The following TEAD3 variants were observed in gnomAD, a reference collection of about 807,000 sequenced individuals.
TEAD3 encodes the protein TEA domain transcription factor 3.
Under a neutral mutation model 55.6 loss-of-function variants are expected in TEAD3, and 15 were observed. The ratio of observed to expected loss-of-function variants is 0.27; its 90% CI spans 0.18 to 0.42. TEAD3 has a LOEUF of 0.42. Among genes scored for constraint, TEAD3 ranks in the 10% least tolerant of loss-of-function variants. The pLI, the probability that TEAD3 is intolerant of heterozygous loss-of-function variation, is 1.00. For synonymous variants in TEAD3, 210 were observed against 232.2 expected, an observed-to-expected ratio of 0.90 and a Z score of 0.87; for missense variants, 407 against 576.8, an observed-to-expected ratio of 0.71 and a Z score of 3.01.
At chr6:35,492,479 C>T (rs531166110) in intron 1 of TEAD3, among the ~76,000 whole-genome samples, 39 of 152,218 alleles carry the variant, frequency 2.6e-4, no homozygotes, top group Non-Finnish European at 3.2e-4. Context: ...GGGACCCTGC[C>T]AAGCAGCCAC....
chr6:35,478,285 G>C, exon 7 of TEAD3: 4 of 1,613,662 alleles, frequency 2.5e-6, no homozygotes, highest in Non-Finnish European at 3.4e-6. Context: ...TCCTGAGAGG[G>C]TCCAGGCTGC....
chr6:35,487,050 AGGTAATC>A (rs1231057284), intron 1 of TEAD3, among the ~76,000 whole-genome samples: 1 of 152,236 alleles, frequency 6.6e-6, no homozygotes, highest in African/African-American at 2.4e-5. Context: ...CTCAAGAAAT[AGGTAATC>A]GGTAACAACA....
rs1483229853 is a variant in TEAD3, at chr6:35,485,743, C to A, written c.202+718G>T. Among the ~76,000 whole-genome samples the A allele has an allele frequency of 2.6e-5, 4 of 152,288 alleles. No homozygotes were observed. Among genetic ancestry groups the A allele is most frequent in the South Asian group, 2.1e-4 (1 of 4,828 alleles). ...GCTGGGTGGGCGTGGCCAAGGGACA[C>A]GGAGCGGACCTGATCCCTTCCCACA... On this transcript the variant is annotated intron_variant, in intron 2 of 12. Coordinates refer to ENST00000639578, the Ensembl canonical transcript of TEAD3. The surrounding 1 kb of genome is among the most constrained non-coding windows in gnomAD (Gnocchi z 4.3).
chr6:35,477,462 C>T lies in TEAD3; in HGVS notation c.531-90G>A, dbSNP rs1768174648. ...CCTCTTCCAAGACCCCAGGAGCAAG[C>T]CACCCAGCCTTTCTGCTGAGGCCCA... On this transcript the variant is annotated intron_variant, in intron 7 of 12. Transcript: ENST00000639578. The T allele has an allele frequency of 3.1e-6, 4 of 1,279,324 alleles. No homozygotes were observed. In the East Asian group the frequency reaches 7.5e-5, roughly 24 times the overall value. The allele number at this position is 1,279,324 out of a possible 1,614,324, so 79.2% of individuals were successfully genotyped here. A position where few individuals can be genotyped will look rare whatever the true frequency, so the allele number is the denominator to read the frequency against.
exon 9 of TEAD3, chr6:35,476,403 C>A (rs1768149161): frequency 6.2e-7 from 1 of 1,612,990 alleles, no homozygotes; most frequent in Admixed American, 1.7e-5. Context: ...ACAGAGGCAG[C>A]AGCTGAGGGG....
intron 3 of TEAD3, 35 bp downstream of exon 4, chr6:35,480,277 G>C (rs777310824): frequency 1.2e-6 from 2 of 1,609,600 alleles, no homozygotes; most frequent in Non-Finnish European, 1.7e-6. Flanking sequence ...AGGGGCCCAG[G>C]AGGGCTGAAG....
Position 35,486,753 on chromosome 6 carries a change from C to G in TEAD3, c.-49-42G>C. 7.1e-7 allele frequency: 1 copy of G among 1,400,500 alleles called. No individual in the cohort carries two copies. 86.8% of individuals were successfully genotyped at this position (1,400,500 alleles called of 1,614,324 possible). A position where few individuals can be genotyped will look rare whatever the true frequency, so the allele number is the denominator to read the frequency against. ...CAGGAACTGGGACCAGGGTCCTCCT[C>G]GACCACAGCAATCTCCTATCCCACA... On this transcript the variant is annotated intron_variant, in intron 1 of 12. Transcript: ENST00000639578. This position sits in a 1 kb window ranked among gnomAD's most constrained non-coding sequence, Gnocchi z 7.3.
chr6:35,479,177 C>T, intron 5 of TEAD3, 128 bp downstream of exon 5: 1 of 1,231,580 alleles, frequency 8.1e-7, no homozygotes, highest in Non-Finnish European at 1.2e-6. Context: ...CACGCCCAGC[C>T]ATTTCGTTTT....
In TEAD3 at chr6:35,488,333, G is replaced by T. The variant is rs770026563; in HGVS notation, c.-49-1622C>A. On this transcript the variant is annotated intron_variant, in intron 1 of 12. Coordinates refer to ENST00000639578, the Ensembl canonical transcript of TEAD3. The surrounding 1 kb of genome is among the most constrained non-coding windows in gnomAD (Gnocchi z 4.2). ...TGTAAACTGTGAGTGCCCTGAACCT[G>T]CCAGGCTATTAATTTGGACCACACC... Among the ~76,000 whole-genome samples the T allele has an allele frequency of 2.0e-5, 3 of 152,008 alleles. No individual in the cohort carries two copies. Among genetic ancestry groups the T allele is most frequent in the Non-Finnish European group, 2.9e-5 (2 of 68,030 alleles).
chr6:35,475,327 C>T lies in TEAD3; in HGVS notation c.1194+9G>A, dbSNP rs1768120418. The T allele has an allele frequency of 1.2e-6, 2 of 1,612,022 alleles. No individual in the cohort carries two copies. Among genetic ancestry groups the T allele is most frequent in the African/African-American group, 2.7e-5 (2 of 74,898 alleles). On this transcript the variant is annotated intron_variant, in intron 12 of 12. Transcript: ENST00000639578. This position sits in a 1 kb window ranked among gnomAD's most constrained non-coding sequence, Gnocchi z 5.4. The stretch of plus-strand genomic sequence containing the variant: ...GTGGGACTCCCCACGACCCCTGCTG[C>T]CCCCATACCTGCAGGATGGTGAAGT...
At chr6:35,479,693 C>G (rs1768228445) in intron 4 of TEAD3, among the ~76,000 whole-genome samples, 1 of 152,226 alleles carries the variant, frequency 6.6e-6, no homozygotes, top group Non-Finnish European at 1.5e-5. Flanking sequence ...ACTCTGAGAT[C>G]CGCAGCTGCA....
intron 1 of TEAD3, among the ~76,000 whole-genome samples, chr6:35,493,992 T>C (rs374016327): frequency 6.6e-6 from 1 of 152,122 alleles, no homozygotes; most frequent in Non-Finnish European, 1.5e-5. Flanking sequence ...CCTGGACACA[T>C]GAAGAGTCAC....
rs760681150 is a variant in TEAD3 at position 35,488,715 on chromosome 6, T to A, written c.-49-2004A>T. On this transcript the variant is annotated intron_variant, in intron 1 of 12. Transcript: ENST00000639578. The surrounding 1 kb of genome is among the most constrained non-coding windows in gnomAD (Gnocchi z 4.2). ...TTATTCGGTTATTTTTTTTCTTTTT[T>A]AAATTTTTTATTTGTTTTTTATTTT... Among the ~76,000 whole-genome samples the A allele has an allele frequency of 6.6e-6, 1 of 152,162 alleles. No homozygotes were observed. The highest frequency in any genetic ancestry group is 2.4e-5 in the African/African-American group (1 of 41,442).
Position 35,486,902 on chromosome 6 carries a change from C to A in TEAD3, c.-49-191G>T, listed in dbSNP as rs1024527170. The stretch of plus-strand genomic sequence containing the variant: ...TCAGAGCTGTGTGACCTGGGATGCA[C>A]GCGCTACTTCACCTCTCTAGGCCTC... On this transcript the variant is annotated intron_variant, in intron 1 of 12. Coordinates refer to ENST00000639578, the Ensembl canonical transcript of TEAD3. This position sits in a 1 kb window ranked among gnomAD's most constrained non-coding sequence, Gnocchi z 7.3. Among the ~76,000 whole-genome samples, 26 of 152,192 alleles carry A rather than the reference C, an allele frequency of 1.7e-4. No individual in the cohort carries two copies. The highest frequency in any genetic ancestry group is 6.0e-4 in the African/African-American group (25 of 41,448).
rs1336046374 is a variant in TEAD3, at chr6:35,483,308, A to G, written c.267+1252T>C. The stretch of plus-strand genomic sequence containing the variant: ...ACAGGCCAGACTTGACATATGCACC[A>G]TGGGGATCTGTGGGTCCAAATCCCA... On this transcript the variant is annotated intron_variant, in intron 3 of 12. Transcript: ENST00000639578. The surrounding 1 kb of genome is among the most constrained non-coding windows in gnomAD (Gnocchi z 4.5). 6.6e-6 allele frequency among the ~76,000 whole-genome samples: 1 copy of G among 152,104 alleles called. No homozygotes were observed. Among genetic ancestry groups the G allele is most frequent in the Non-Finnish European group, 1.5e-5 (1 of 68,006 alleles).
At position 35,475,511 on chromosome 6, in the gene TEAD3, G is replaced by A. The variant is rs1014334163; in HGVS notation, c.1042-23C>T. On this transcript the variant is annotated intron_variant, in intron 11 of 12. Coordinates refer to ENST00000639578, the Ensembl canonical transcript of TEAD3. The surrounding 1 kb of genome is among the most constrained non-coding windows in gnomAD (Gnocchi z 5.4). ...AGTCTGCAGAGAATATGGAGAAGGC[G>A]TCACTCGGCCTGCCTGCTCCCAGCC... 3.7e-6 allele frequency: 6 copies of A among 1,605,938 alleles called. No homozygotes were observed. The highest frequency in any genetic ancestry group is 1.3e-5 in the African/African-American group (1 of 74,908).
intron 1 of TEAD3, among the ~76,000 whole-genome samples, chr6:35,493,151 G>A (rs1036885830): frequency 3.9e-5 from 6 of 152,134 alleles, no homozygotes; most frequent in Non-Finnish European, 8.8e-5. Context: ...CTCATTCACT[G>A]TTACCCGCAT....
intron 4 of TEAD3, among the ~76,000 whole-genome samples, chr6:35,479,754 G>A (rs896820821): frequency 2.6e-5 from 4 of 152,226 alleles, no homozygotes; most frequent in African/African-American, 7.2e-5. Flanking sequence ...TAGCCCTGCC[G>A]GCCAGTAGCC....
chr6:35,477,913 T>A (rs1768185349), intron 7 of TEAD3, among the ~76,000 whole-genome samples: 1 of 151,582 alleles, frequency 6.6e-6, no homozygotes, highest in South Asian at 2.1e-4. Context: ...CAATCAAGTC[T>A]CACTACAGCC....
Sources: allele counts gnomAD v4.1 joint callset (sites outside exome capture counted in the v4.1 genomes callset), GRCh38; gene constraint gnomAD v4.1.1; non-coding constraint Gnocchi (gnomAD v3.1); transcripts MANE v1.5; gene names NCBI Gene and HGNC (gene_info 2026-07-23, HGNC 2026-07-21).